The following BOD1L1 variants were observed in gnomAD, a reference collection of about 807,000 sequenced individuals.
The protein encoded by BOD1L1 is biorientation of chromosomes in cell division protein 1-like 1.
A neutral mutation model predicts 240.7 loss-of-function variants in BOD1L1; 86 were observed. That is an observed-to-expected ratio of 0.36 (90% CI 0.30 to 0.43). The LOEUF (loss-of-function observed/expected upper bound fraction) is 0.43. BOD1L1 is among the 20% of genes least tolerant of loss of function. The pLI is 1.00. For synonymous variants in BOD1L1, 1,268 were observed against 1,272.3 expected, an observed-to-expected ratio of 1.00 and a Z score of 0.07; for missense variants, 3,554 against 3,643.5, an observed-to-expected ratio of 0.98 and a Z score of 0.63.
chr4:13,598,364 T>C (rs1196642172), intron 10 of BOD1L1, among the ~76,000 whole-genome samples: 1 of 152,188 alleles, frequency 6.6e-6, no homozygotes, highest in Admixed American at 6.5e-5. Context: ...AAACAAATAC[T>C]GCAAACCTAT....
intron 12 of BOD1L1, 73 bp downstream of exon 12, chr4:13,595,787 G>T: frequency 1.6e-6 from 2 of 1,243,216 alleles, no homozygotes; most frequent in South Asian, 2.6e-5. Flanking sequence ...ATCAGCTATT[G>T]ATTTTTAGAA....
At chr4:13,577,048 A>G in intron 24 of BOD1L1, 57 bp from the exon 25 acceptor site, 1 of 1,582,350 alleles carries the variant, frequency 6.3e-7, no homozygotes, top group Non-Finnish European at 8.6e-7. Context: ...TACTTCCAAG[A>G]GAGAGAGTCA....
intron 22 of BOD1L1, 137 bp from the exon 23 acceptor site, chr4:13,577,768 G>T: frequency 1.5e-6 from 1 of 645,926 alleles, no homozygotes. Flanking sequence ...TATCAGTCAA[G>T]CAAAGATAGA....
intron 1 of BOD1L1, chr4:13,624,762 T>C (rs964400183): frequency 6.6e-5 from 10 of 152,232 alleles, no homozygotes; most frequent in Non-Finnish European, 1.0e-4. Flanking sequence ...CTAAACTGGA[T>C]GACAGTTTTG....
At position 13,595,881 on chromosome 4, in the gene BOD1L1, C is replaced by A. The variant is rs761982440; in HGVS notation, c.8083G>T (p.Gly2695Trp). The change falls in exon 12 of 26, where the codon GGG becomes TGG. Residue 2695 changes from glycine (G) to tryptophan (W), a missense_variant. Gly to Trp is a radical substitution (Grantham distance 184). This residue lies in a region of BOD1L1 where 3,393 missense variants were observed against 3,427.1 expected (regional missense o/e 0.99). Transcript: ENST00000040738. ...EILAPPESLC[G>W]GKPSGIAELQ... The stretch of plus-strand genomic sequence containing the variant: ...TCACCTATTCCACTTGGCTTTCCCC[C>A]ACACAGACTTTCTGGTGGTGCCAGA... The A allele has an allele frequency of 6.2e-7, 1 of 1,613,764 alleles. No individual in the cohort carries two copies. The highest frequency in any genetic ancestry group is 2.2e-5 in the East Asian group (1 of 44,854).
intron 13 of BOD1L1, among the ~76,000 whole-genome samples, chr4:13,591,340 G>A (rs957718755): frequency 6.6e-6 from 1 of 152,070 alleles, no homozygotes; most frequent in Non-Finnish European, 1.5e-5. Flanking sequence ...CTGATCCCGC[G>A]GTTCACTGAT....
rs1180963544 is a variant in BOD1L1 at position 13,609,238 on chromosome 4, C to A, written c.1603+57G>T. 4 of 1,010,058 alleles carry A rather than the reference C, an allele frequency of 4.0e-6. No homozygotes were observed. In the South Asian group the frequency reaches 9.3e-5, roughly 23 times the overall value. The allele number at this position is 1,010,058 out of a possible 1,614,324, so 62.6% of individuals were successfully genotyped here. On this transcript the variant is annotated intron_variant, in intron 7 of 25. Transcript: ENST00000040738. ...TGTCTCATAAGTAATATAAGAGTAC[C>A]CAGAAAATAATGAAATATATGAGAT...
Position 13,588,730 on chromosome 4 carries a change from G to T in BOD1L1, c.8272C>A (p.Pro2758Thr). The change falls in exon 15 of 26, where the codon CCT (proline) becomes ACT (threonine). Residue 2758 changes from proline (P) to threonine (T), a missense_variant. By Grantham distance (38) the Pro-to-Thr change is conservative. This residue lies in a region of BOD1L1 where 3,393 missense variants were observed against 3,427.1 expected (regional missense o/e 0.99). Coordinates refer to ENST00000040738, the MANE Select transcript of BOD1L1 (RefSeq NM_148894.3). ...AISGHSVEAD[P>T]KEVEEEERHM... Reference sequence around the variant, plus strand: ...AGTTTATTAAAATGCACCTCTTTAGGATCTGCTTCAACACTGTGACCGCTT... The same window carrying T: ...AGTTTATTAAAATGCACCTCTTTAGTATCTGCTTCAACACTGTGACCGCTT... 1 of 1,599,580 alleles carries T rather than the reference G, an allele frequency of 6.3e-7. No individual in the cohort carries two copies. The highest frequency in any genetic ancestry group is 8.5e-7 in the Non-Finnish European group (1 of 1,172,576).
At chr4:13,583,295 A>G (rs974904567) in intron 17 of BOD1L1, among the ~76,000 whole-genome samples, 2 of 152,224 alleles carry the variant, frequency 1.3e-5, no homozygotes, top group African/African-American at 4.8e-5. Context: ...AAAATACATA[A>G]AGTAGAATAA....
At chr4:13,612,746 A>C (rs899874197) in intron 5 of BOD1L1, among the ~76,000 whole-genome samples, 3 of 152,166 alleles carry the variant, frequency 2.0e-5, no homozygotes, top group Non-Finnish European at 4.4e-5. Flanking sequence ...GAGTCAAGCT[A>C]AACAGTCTAA....
At position 13,587,669 on chromosome 4, in the gene BOD1L1, T is replaced by A. The variant is rs558389339; in HGVS notation, c.8353+30A>T. ...ATATAAAAATAATGATTTTCAAAGA[T>A]GTCTAAAACAGAAACATAAATATAA... On this transcript the variant is annotated intron_variant, in intron 16 of 25. Transcript: ENST00000040738. 98 of 1,450,908 alleles carry A rather than the reference T, an allele frequency of 6.8e-5. No individual in the cohort carries two copies. The East Asian group carries it at 1.4e-3, about 21-fold the overall frequency. The allele number at this position is 1,450,908 out of a possible 1,614,324, so 89.9% of individuals were successfully genotyped here.
rs557379636 is a variant in BOD1L1 at position 13,609,641 on chromosome 4, A to T, written c.1492-235T>A. On this transcript the variant is annotated intron_variant, in intron 6 of 25. Coordinates refer to ENST00000040738, the MANE Select transcript of BOD1L1 (RefSeq NM_148894.3). ...CCAGAATAGAAGAAACAGATGTGAA[A>T]ATTTGCCATTACTCTTTAAGAATGC... Among the ~76,000 whole-genome samples the T allele has an allele frequency of 2.0e-5, 3 of 152,282 alleles. No individual in the cohort carries two copies. In the South Asian group the frequency reaches 6.2e-4, roughly 32 times the overall value.
chr4:13,577,517 G>T, intron 23 of BOD1L1, 30 bp from the exon 24 acceptor site: 1 of 1,607,736 alleles, frequency 6.2e-7, no homozygotes, highest in South Asian at 1.1e-5. Context: ...AGTCAAAAGG[G>T]TGGTCAGCTG....
At chr4:13,620,187 A>G (rs2108996058) in intron 1 of BOD1L1, 120 bp from the exon 2 acceptor site, 1 of 1,075,460 alleles carries the variant, frequency 9.3e-7, no homozygotes, top group South Asian at 1.8e-5. Context: ...TTCTGCTTCA[A>G]GATAACTTAC....
chr4:13,583,180 G>A (rs1713374775), intron 17 of BOD1L1, among the ~76,000 whole-genome samples: 1 of 152,158 alleles, frequency 6.6e-6, no homozygotes, highest in African/African-American at 2.4e-5. Context: ...CTGACTTGGA[G>A]CAGTGATCTT....
rs542830488 is a variant in BOD1L1, at chr4:13,577,106, T to C, written c.8885-115A>G. On this transcript the variant is annotated intron_variant, in intron 24 of 25. Coordinates refer to ENST00000040738, the MANE Select transcript of BOD1L1 (RefSeq NM_148894.3). The stretch of plus-strand genomic sequence containing the variant: ...TAGGGACTTGGAGGCAGAGAAATGG[T>C]TTTCCACTTCCTTTTTGTTTCAGCA... 1.4e-3 allele frequency: 1,782 copies of C among 1,258,124 alleles called. 14 individuals carry two copies. Among genetic ancestry groups the C allele is most frequent in the Non-Finnish European group, 8.1e-4 (749 of 920,338 alleles). 77.9% of individuals were successfully genotyped at this position (1,258,124 alleles called of 1,614,324 possible).
intron 22 of BOD1L1, 83 bp downstream of exon 22, chr4:13,579,845 T>C: frequency 9.0e-7 from 1 of 1,114,390 alleles, no homozygotes; most frequent in Non-Finnish European, 1.3e-6. Flanking sequence ...AGAGGCAGAA[T>C]GGAAGTTCCA....
chr4:13,604,930 C>T lies in BOD1L1; in HGVS notation c.1970G>A (p.Arg657Gln), dbSNP rs375854312. The T allele has an allele frequency of 3.4e-5, 55 of 1,613,300 alleles. No homozygotes were observed. The highest frequency in any genetic ancestry group is 4.3e-5 in the Non-Finnish European group (51 of 1,179,702). The part of the protein sequence containing the change: ...ESKLEREHKR[R>Q]TSTPVIMEGV... ...CTCCATGATAACAGGGGTAGATGTC[C>T]GTCTTTTATGTTCTCTTTCTAATTT... Residue 657 changes from arginine (R) to glutamine (Q), a missense_variant, in exon 10 of 26, where the codon CGG (arginine) becomes CAG (glutamine). Arg to Gln is a conservative substitution (Grantham distance 43). Transcript: ENST00000040738.
intron 5 of BOD1L1, among the ~76,000 whole-genome samples, chr4:13,611,869 T>C (rs1405704420): frequency 6.6e-6 from 1 of 152,174 alleles, no homozygotes; most frequent in African/African-American, 2.4e-5. Flanking sequence ...GGAAGGTAAT[T>C]TGCTTTGCTT....
Sources: allele counts gnomAD v4.1 joint callset (sites outside exome capture counted in the v4.1 genomes callset), GRCh38; gene constraint gnomAD v4.1.1; regional missense constraint gnomAD v4.1.1; transcripts MANE v1.5; gene names NCBI Gene and HGNC (gene_info 2026-07-23, HGNC 2026-07-21).